PLCB4: variants seen among roughly 807,000 people sequenced by gnomAD.
PLCB4 encodes the protein phospholipase C beta 4.
In PLCB4, 77 loss-of-function variants were observed where a neutral mutation model predicts 178.8. The ratio of observed to expected loss-of-function variants is 0.43; its 90% confidence interval spans 0.36 to 0.52. The LOEUF (loss-of-function observed/expected upper bound fraction) is 0.52. PLCB4 is among the 20% of genes least tolerant of loss of function. The probability of loss-of-function intolerance (pLI) is 0.00; values close to 1 mark genes in which losing one functional copy is unlikely to be tolerated. For missense variants in PLCB4, 1,024 were observed against 1,453.4 expected, an observed-to-expected ratio of 0.70 and a Z score of 4.80; for synonymous variants, 496 against 490.8, an observed-to-expected ratio of 1.01 and a Z score of -0.14.
Position 9,457,435 on chromosome 20 carries a change from GA to G in PLCB4, c.3024del (p.Glu1009LysfsTer9). On this transcript the variant is annotated frameshift_variant, in exon 34 of 40. Transcript: ENST00000378473. LOFTEE classifies it high-confidence loss of function. The stretch of plus-strand genomic sequence containing the variant: ...TCAGGGGAAGTAATTGTCTCGAAAT[GA>G]AAAAAGAAACAGAAATCAAAATTCA... ...KKGGSNCLEM[K>X]KETEIKIQTL... is the part of the protein sequence containing the mutation. 2 of 1,551,266 alleles carry G rather than the reference GA, an allele frequency of 1.3e-6. No individual in the cohort carries two copies. The highest frequency in any genetic ancestry group is 1.8e-6 in the Non-Finnish European group (2 of 1,123,100).
chr20:9,280,956 A>T (rs905594406), intron 3 of PLCB4, among the ~76,000 whole-genome samples: 1 of 151,986 alleles, frequency 6.6e-6, no homozygotes, highest in African/African-American at 2.4e-5. Context: ...CTACAAAAAA[A>T]AAAAAAAAGA....
At chr20:9,127,535 CTT>C (rs2092147426) in intron 2 of PLCB4, among the ~76,000 whole-genome samples, 1 of 152,096 alleles carries the variant, frequency 6.6e-6, no homozygotes, top group African/African-American at 2.4e-5. Flanking sequence ...TTGGGCCTCT[CTT>C]TGAAGATCTT....
In PLCB4 at chr20:9,218,547, A is replaced by G. The variant is rs118177750; in HGVS notation, c.-16+1095A>G. On this transcript the variant is annotated intron_variant, in intron 3 of 39. Coordinates refer to ENST00000378473, the MANE Select transcript of PLCB4 (RefSeq NM_001377142.1). ...TTCTCCTAATAGGTCCTCCTGGAGG[A>G]TCTGTTCCTCTGGGCTGTTGGCATT... 8.5e-3 allele frequency among the ~76,000 whole-genome samples: 1,301 copies of G among 152,190 alleles called. 25 individuals are homozygous for G. The highest frequency in any genetic ancestry group is 0.027 in the Middle Eastern group (8 of 294).
At chr20:9,365,906 A>C (rs981873361) in intron 9 of PLCB4, among the ~76,000 whole-genome samples, 1 of 152,150 alleles carries the variant, frequency 6.6e-6, no homozygotes, top group Non-Finnish European at 1.5e-5. Flanking sequence ...CCGTGTCTTG[A>C]GAAGTGTGAT....
intron 23 of PLCB4, 55 bp downstream of exon 23, chr20:9,408,772 G>C (rs1472901953): frequency 1.1e-5 from 10 of 917,258 alleles, no homozygotes; most frequent in African/African-American, 3.2e-5. Context: ...TTTGGCAAGA[G>C]CCTCTGAAAT....
Position 9,160,002 on chromosome 20 carries a change from C to T in PLCB4, c.-78-57388C>T, listed in dbSNP as rs557961242. ...TTAGGGAGAAGAGGTGGCCATACTA[C>T]AGGAAGACAAGCTGAACGTCCCTCC... On this transcript the variant is annotated intron_variant, in intron 2 of 39. Transcript: ENST00000378473. Among the ~76,000 whole-genome samples the T allele has an allele frequency of 3.0e-3, 462 of 152,262 alleles. 3 individuals are homozygous for T. The highest frequency in any genetic ancestry group is 0.01 in the African/African-American group (421 of 41,540).
chr20:9,074,684 T>C (rs1314140262), intron 1 of PLCB4, among the ~76,000 whole-genome samples: 1 of 152,062 alleles, frequency 6.6e-6, no homozygotes, highest in Non-Finnish European at 1.5e-5. Context: ...CAGAGGGACC[T>C]AATATTAACT....
At chr20:9,159,102 C>T (rs1257013068) in intron 2 of PLCB4, among the ~76,000 whole-genome samples, 2 of 152,284 alleles carry the variant, frequency 1.3e-5, no homozygotes, top group South Asian at 2.1e-4. Flanking sequence ...CCTAAAGTCC[C>T]TTACCACTTT....
chr20:9,337,130 C>A lies in PLCB4; in HGVS notation c.89C>A (p.Ser30Tyr). The change falls in exon 5 of 40, where the codon TCC becomes TAC. Residue 30 changes from serine to tyrosine, a missense_variant. Around this residue, in one of 7 missense-constraint regions of PLCB4, gnomAD observed 225 missense variants for 291.0 expected, o/e 0.77. Coordinates refer to ENST00000378473, the MANE Select transcript of PLCB4 (RefSeq NM_001377142.1). ...GAVFDRYEEE[S>Y]FVFEPNCLFK... ...CAACACATTTCTTTTTGACAGGAAT[C>A]CTTTGTGTTTGAACCCAACTGCCTC... 1 of 1,608,874 alleles carries A rather than the reference C, an allele frequency of 6.2e-7. No homozygotes were observed. Among genetic ancestry groups the A allele is most frequent in the Non-Finnish European group, 8.5e-7 (1 of 1,175,478 alleles).
At chr20:9,320,136 T>C (rs1237320137) in intron 4 of PLCB4, among the ~76,000 whole-genome samples, 2 of 152,216 alleles carry the variant, frequency 1.3e-5, no homozygotes, top group Non-Finnish European at 2.9e-5. Flanking sequence ...CCCTGACAGA[T>C]GCTGGTTAGC....
intron 1 of PLCB4, among the ~76,000 whole-genome samples, chr20:9,094,563 G>T (rs1180981322): frequency 6.6e-6 from 1 of 152,058 alleles, no homozygotes; most frequent in Non-Finnish European, 1.5e-5. Flanking sequence ...ATACATAAAA[G>T]TACAGTGAAT....
Position 9,401,482 on chromosome 20 carries a change from T to G in PLCB4, c.1511-8T>G. On this transcript the variant is annotated splice_polypyrimidine_tract_variant and splice_region_variant and intron_variant, in intron 19 of 39. Coordinates refer to ENST00000378473, the MANE Select transcript of PLCB4 (RefSeq NM_001377142.1). Reference sequence around the variant, plus strand: ...GTGTCATGGATTTTCCATTTGTCTTTCACACAGCTGACCAAGAGGAGGAAG... The same window carrying G: ...GTGTCATGGATTTTCCATTTGTCTTGCACACAGCTGACCAAGAGGAGGAAG... The G allele has an allele frequency of 6.2e-7, 1 of 1,605,458 alleles. No individual in the cohort carries two copies. The highest frequency in any genetic ancestry group is 8.5e-7 in the Non-Finnish European group (1 of 1,172,496).
chr20:9,331,249 C>T (rs572467782), intron 4 of PLCB4, among the ~76,000 whole-genome samples: 27 of 152,256 alleles, frequency 1.8e-4, no homozygotes, highest in African/African-American at 5.8e-4. Context: ...CATTTCTCTA[C>T]GTCCTAATGT....
At chr20:9,205,849 T>A (rs1040344531) in intron 2 of PLCB4, among the ~76,000 whole-genome samples, 2 of 152,212 alleles carry the variant, frequency 1.3e-5, no homozygotes, top group African/African-American at 4.8e-5. Context: ...AAGAGTGTTA[T>A]AGAAATGGAA....
intron 8 of PLCB4, among the ~76,000 whole-genome samples, chr20:9,363,863 A>G (rs187261733): frequency 1.8e-4 from 27 of 152,340 alleles, no homozygotes; most frequent in Admixed American, 3.9e-4. Flanking sequence ...TCACTTGGCA[A>G]TGGGCCAAGA....
chr20:9,121,675 A>C (rs2091966182), intron 2 of PLCB4, among the ~76,000 whole-genome samples: 1 of 152,224 alleles, frequency 6.6e-6, no homozygotes, highest in Middle Eastern at 3.2e-3. Context: ...CAGTGGAAAC[A>C]GCACTTTAAT....
chr20:9,476,001 C>T (rs927558367), intron 38 of PLCB4, among the ~76,000 whole-genome samples: 6 of 152,210 alleles, frequency 3.9e-5, no homozygotes, highest in Non-Finnish European at 8.8e-5. Context: ...TGTAAACATT[C>T]TCCCATAGTA....
chr20:9,153,509 T>A (rs541025901), intron 2 of PLCB4, among the ~76,000 whole-genome samples: 29 of 152,284 alleles, frequency 1.9e-4, no homozygotes, highest in East Asian at 5.8e-4. Flanking sequence ...ATGTAAGAAG[T>A]GCCTTTCAAC....
chr20:9,115,164 T>A (rs868621604), intron 2 of PLCB4, among the ~76,000 whole-genome samples: 8 of 152,302 alleles, frequency 5.3e-5, no homozygotes, highest in Middle Eastern at 3.4e-3. Flanking sequence ...AAGGGTTAGT[T>A]TCTATGCTGA....
Sources: gnomAD v4.1 joint callset for allele counts (sites outside exome capture counted in the v4.1 genomes callset) on GRCh38, gnomAD v4.1.1 for gene constraint, gnomAD v4.1.1 regional missense constraint, MANE v1.5 for transcripts, NCBI Gene and HGNC (gene_info 2026-07-23, HGNC 2026-07-21) for gene names.